Variants in GALNT13 observed in about 807,000 individuals in gnomAD.
GALNT13 encodes UDP-GalNAc:polypeptide N-acetylgalactosaminyltransferase 13.
In GALNT13, 28 loss-of-function variants were observed where a neutral mutation model predicts 64.2. The ratio of observed to expected loss-of-function variants is 0.44; its 90% confidence interval spans 0.32 to 0.60. GALNT13 has a LOEUF of 0.60. Ranked by LOEUF, GALNT13 falls within the 20% of genes least tolerant of loss-of-function variation. GALNT13 has a pLI of 0.05. For synonymous variants in GALNT13, 214 were observed against 224.6 expected (o/e 0.95, Z 0.42); for missense variants, 577 against 669.8 (o/e 0.86, Z 1.53).
the GALNT13 span, among the ~76,000 whole-genome samples, chr2:153,819,770 C>A: frequency 6.6e-6 from 1 of 152,202 alleles, no homozygotes; most frequent in East Asian, 1.9e-4. Context: ...TAGGGCTTTA[C>A]AAGCAAAGCC....
chr2:153,268,591 A>G, the GALNT13 span, among the ~76,000 whole-genome samples: 3 of 152,194 alleles, frequency 2.0e-5, no homozygotes, highest in African/African-American at 7.2e-5. Flanking sequence ...CCACTAGAAA[A>G]TGACCCAGTG....
intron 1 of GALNT13, among the ~76,000 whole-genome samples, chr2:153,890,087 C>T (rs546525631): frequency 1.2e-4 from 18 of 151,616 alleles, no homozygotes; most frequent in Non-Finnish European, 2.1e-4. Flanking sequence ...GTAACACCTG[C>T]GAAATAGAGC....
chr2:154,290,663 T>G (rs1692559123), intron 8 of GALNT13, among the ~76,000 whole-genome samples: 1 of 152,166 alleles, frequency 6.6e-6, no homozygotes, highest in Non-Finnish European at 1.5e-5. Flanking sequence ...CTAGGAGGGC[T>G]CATGTTGTGT....
the GALNT13 span, among the ~76,000 whole-genome samples, chr2:153,527,020 A>T: frequency 6.6e-6 from 1 of 152,152 alleles, no homozygotes; most frequent in Non-Finnish European, 1.5e-5. Context: ...AATTAAAAAA[A>T]AATAAAGCAT....
rs1450229718 is a variant in GALNT13, at chr2:154,110,312, T to G, written c.143-30025T>G. 5.5e-3 allele frequency among the ~76,000 whole-genome samples: 271 copies of G among 48,852 alleles called. 12 individuals carry two copies. Among genetic ancestry groups the G allele is most frequent in the African/African-American group, 0.022 (225 of 10,218 alleles). The allele number at this position is 48,852 out of a possible 152,430, so 32.0% of individuals were successfully genotyped here. A position where few individuals can be genotyped will look rare whatever the true frequency, so the allele number is the denominator to read the frequency against. ...ATATATATATATATATATATATATA[T>G]ATATATATATATATATATATATATA... is the stretch of plus-strand genomic sequence containing the variant. On this transcript the variant is annotated intron_variant, in intron 3 of 12. Coordinates refer to ENST00000392825, the MANE Select transcript of GALNT13 (RefSeq NM_052917.4).
the GALNT13 span, among the ~76,000 whole-genome samples, chr2:153,087,213 C>A: frequency 6.6e-6 from 1 of 152,152 alleles, no homozygotes; most frequent in East Asian, 1.9e-4. Flanking sequence ...TTGTTAAATG[C>A]TTTTTCTGCT....
chr2:154,224,641 A>T (rs140211054), intron 4 of GALNT13, among the ~76,000 whole-genome samples: 1 of 152,280 alleles, frequency 6.6e-6, no homozygotes, highest in African/African-American at 2.4e-5. Flanking sequence ...GAGGTTTAAT[A>T]TATGATAAAA....
At chr2:153,566,056 AATG>A in the GALNT13 span, among the ~76,000 whole-genome samples, 7 of 152,190 alleles carry the variant, frequency 4.6e-5, no homozygotes, top group Non-Finnish European at 8.8e-5. Context: ...ATGTAATTTT[AATG>A]ATAAGATAAT....
chr2:153,472,639 G>A, the GALNT13 span, among the ~76,000 whole-genome samples: 1 of 152,172 alleles, frequency 6.6e-6, no homozygotes, highest in Non-Finnish European at 1.5e-5. Context: ...CATTATTGCA[G>A]ATCACTTGAC....
chr2:153,822,890 G>A, the GALNT13 span, among the ~76,000 whole-genome samples: 1 of 152,082 alleles, frequency 6.6e-6, no homozygotes, highest in South Asian at 2.1e-4. Flanking sequence ...TTTGCCAAAA[G>A]GCTCTTAGAA....
chr2:153,998,033 A>G lies in GALNT13; in HGVS notation c.142+53394A>G, dbSNP rs571671309. 2.6e-5 allele frequency among the ~76,000 whole-genome samples: 4 copies of G among 152,166 alleles called. No homozygotes were observed. In the East Asian group the frequency reaches 7.7e-4, roughly 29 times the overall value. ...GTATATGTGCCACATTTTCTTTATC[A>G]GGTCTATCATTGATGGGCATTTGGG... On this transcript the variant is annotated intron_variant, in intron 3 of 12. Coordinates refer to ENST00000392825, the MANE Select transcript of GALNT13 (RefSeq NM_052917.4).
At chr2:154,427,410 A>G (rs1268831867) in intron 11 of GALNT13, among the ~76,000 whole-genome samples, 2 of 152,214 alleles carry the variant, frequency 1.3e-5, no homozygotes, top group Non-Finnish European at 2.9e-5. Flanking sequence ...TGAAGAATGT[A>G]TGAAGACTTT....
chr2:153,603,406 T>G, the GALNT13 span, among the ~76,000 whole-genome samples: 3 of 151,956 alleles, frequency 2.0e-5, no homozygotes, highest in Non-Finnish European at 4.4e-5. Context: ...TAATTCTAAT[T>G]GAATTAGATT....
the GALNT13 span, among the ~76,000 whole-genome samples, chr2:153,579,721 G>T: frequency 2.9e-3 from 434 of 152,148 alleles, 9 homozygotes; most frequent in Admixed American, 0.023. Flanking sequence ...AGGTGTTACC[G>T]CCTGAGCTCC....
chr2:153,274,135 G>A, the GALNT13 span, among the ~76,000 whole-genome samples: 152 of 152,218 alleles, frequency 1.0e-3, 1 homozygote, highest in African/African-American at 3.5e-3. Context: ...CCTGGGAGGC[G>A]GAGGTGGCAG....
chr2:153,630,179 C>T, the GALNT13 span, among the ~76,000 whole-genome samples: 1 of 151,752 alleles, frequency 6.6e-6, no homozygotes, highest in Non-Finnish European at 1.5e-5. Flanking sequence ...AGTCATGCTG[C>T]TATAAAGACA....
At chr2:153,904,485 A>T (rs1045938687) in intron 2 of GALNT13, among the ~76,000 whole-genome samples, 1 of 151,890 alleles carries the variant, frequency 6.6e-6, no homozygotes, top group Admixed American at 6.6e-5. Flanking sequence ...TTTACCAAAG[A>T]TTAGTATAAT....
At chr2:153,996,662 G>A (rs1695543931) in intron 3 of GALNT13, among the ~76,000 whole-genome samples, 1 of 151,958 alleles carries the variant, frequency 6.6e-6, no homozygotes, top group African/African-American at 2.4e-5. Flanking sequence ...CTTTGCAGAA[G>A]TTTCTTAGTT....
chr2:153,578,686 C>A, the GALNT13 span, among the ~76,000 whole-genome samples: 1 of 152,126 alleles, frequency 6.6e-6, no homozygotes, highest in Non-Finnish European at 1.5e-5. Context: ...AGGTGAGAAC[C>A]ATTTTGCCTG....
Sources: allele counts gnomAD v4.1 joint callset (sites outside exome capture counted in the v4.1 genomes callset), GRCh38; gene constraint gnomAD v4.1.1; transcripts MANE v1.5; gene names NCBI Gene and HGNC (gene_info 2026-07-23, HGNC 2026-07-21).